NSUN6: variants seen among roughly 807,000 people sequenced by gnomAD.
The protein encoded by NSUN6 is NOP2/Sun RNA methyltransferase 6.
NSUN6 carries 64 observed loss-of-function variants against 58.0 expected under a neutral mutation model. That is an observed-to-expected ratio of 1.10 (90% CI 0.90 to 1.36). NSUN6 has a LOEUF of 1.36. Ranked by LOEUF, NSUN6 falls within the 40% of genes most tolerant of loss-of-function variation. The pLI, the probability that NSUN6 is intolerant of heterozygous loss-of-function variation, is 0.00. For missense variants in NSUN6, 701 were observed against 550.1 expected, an observed-to-expected ratio of 1.27 and a Z score of -2.74; for synonymous variants, 231 against 193.9, an observed-to-expected ratio of 1.19 and a Z score of -1.59.
chr10:18,584,050 A>G (rs986340703), intron 8 of NSUN6, among the ~76,000 whole-genome samples: 3 of 152,112 alleles, frequency 2.0e-5, no homozygotes, highest in Non-Finnish European at 4.4e-5. Flanking sequence ...CTGACAGTCA[A>G]TTTGCAGACC....
intron 8 of NSUN6, among the ~76,000 whole-genome samples, chr10:18,585,518 G>GAAGACATCATATTATGCT (rs1333376597): frequency 6.6e-6 from 1 of 152,164 alleles, no homozygotes; most frequent in Non-Finnish European, 1.5e-5. Context: ...GATGAACCTG[G>GAAGACATCATATTATGCT]AAGACATCAT....
upstream of NSUN6, chr10:18,653,071 A>C (rs1313348239): frequency 1.5e-5 from 15 of 983,956 alleles, no homozygotes. Flanking sequence ...AGACATTTCC[A>C]AAGGAATTTC....
intron 8 of NSUN6, among the ~76,000 whole-genome samples, chr10:18,559,006 T>G (rs572760074): frequency 8.9e-4 from 129 of 145,158 alleles, no homozygotes; most frequent in South Asian, 1.7e-3. Flanking sequence ...GAATGGAAAA[T>G]GGAATGAAAT....
chr10:18,616,667 A>G (rs981201284), intron 3 of NSUN6, among the ~76,000 whole-genome samples: 2 of 152,230 alleles, frequency 1.3e-5, no homozygotes, highest in East Asian at 1.9e-4. Context: ...AAAGTGGTAA[A>G]TTGTTGCATG....
At chr10:18,652,592 T>G (rs1340996615), upstream of NSUN6, 1 of 889,108 alleles carries the variant, frequency 1.1e-6, no homozygotes, top group East Asian at 1.2e-4. Context: ...TTTTTTTGAG[T>G]CTCTGTCGCC....
intron 6 of NSUN6, among the ~76,000 whole-genome samples, chr10:18,604,113 C>T (rs1244193059): frequency 1.3e-5 from 2 of 152,056 alleles, no homozygotes; most frequent in African/African-American, 2.4e-5. Context: ...ACCTGGGAGG[C>T]GGAGGCTGCA....
intron 2 of NSUN6, among the ~76,000 whole-genome samples, chr10:18,647,655 C>G (rs1180724804): frequency 6.8e-6 from 1 of 147,556 alleles, no homozygotes; most frequent in African/African-American, 2.5e-5. Context: ...TGCTGTTTTA[C>G]ATTGAAAATA....
chr10:18,572,888 C>A, intron 8 of NSUN6, among the ~76,000 whole-genome samples: 1 of 150,198 alleles, frequency 6.7e-6, no homozygotes, highest in East Asian at 2.0e-4. Context: ...CATTTCATTC[C>A]ATTCTCCATT....
rs115023784 is a variant in NSUN6 at position 18,578,070 on chromosome 10, G to A, written c.922+7879C>T. Among the ~76,000 whole-genome samples, 1,028 of 152,106 alleles carry A rather than the reference G, an allele frequency of 6.8e-3. 9 individuals are homozygous for A. Among genetic ancestry groups the A allele is most frequent in the African/African-American group, 0.024 (978 of 41,486 alleles). ...AAGTAAAAAAGAAAATTGTATATTC[G>A]AGTGCTATTTCTTTTGCAGCACCAA... On this transcript the variant is annotated intron_variant, in intron 8 of 10. Transcript: ENST00000377304.
At chr10:18,636,358 TAAAA>T (rs533141020) in intron 3 of NSUN6, among the ~76,000 whole-genome samples, 1 of 129,132 alleles carries the variant, frequency 7.7e-6, no homozygotes, top group Non-Finnish European at 1.7e-5. Context: ...TTGACAATGT[TAAAA>T]AAAAAAAAAA....
At chr10:18,557,335 G>A (rs1487088603) in intron 8 of NSUN6, among the ~76,000 whole-genome samples, 1 of 151,370 alleles carries the variant, frequency 6.6e-6, no homozygotes, top group East Asian at 1.9e-4. Flanking sequence ...ATGCAGTGGT[G>A]AACAGAATGG....
intron 8 of NSUN6, among the ~76,000 whole-genome samples, chr10:18,557,627 A>G (rs2055140455): frequency 6.7e-6 from 1 of 149,922 alleles, no homozygotes; most frequent in African/African-American, 2.4e-5. Context: ...AGAATGGAAT[A>G]GAGTGGAGAA....
intron 3 of NSUN6, among the ~76,000 whole-genome samples, chr10:18,638,377 G>A (rs1453319010): frequency 6.6e-6 from 1 of 152,112 alleles, no homozygotes; most frequent in Non-Finnish European, 1.5e-5. Context: ...AGGAGGCGGA[G>A]GTTGCAGTGA....
intron 9 of NSUN6, among the ~76,000 whole-genome samples, chr10:18,549,557 G>A (rs2054481583): frequency 6.6e-6 from 1 of 151,998 alleles, no homozygotes; most frequent in South Asian, 2.1e-4. Context: ...AGTTAGAATG[G>A]AAACCTCGTG....
intron 8 of NSUN6, among the ~76,000 whole-genome samples, chr10:18,580,235 C>A (rs1344612192): frequency 6.6e-6 from 1 of 152,192 alleles, no homozygotes; most frequent in Non-Finnish European, 1.5e-5. Context: ...AAATCAACCA[C>A]AGCTTAATAA....
At chr10:18,593,150 A>C (rs1244889052) in intron 7 of NSUN6, among the ~76,000 whole-genome samples, 3 of 152,240 alleles carry the variant, frequency 2.0e-5, no homozygotes, top group Non-Finnish European at 4.4e-5. Context: ...TCAAAACCAC[A>C]ATGAGATACC....
At chr10:18,547,984 G>A (rs1222184607) in intron 10 of NSUN6, 128 bp downstream of exon 10, 1 of 881,402 alleles carries the variant, frequency 1.1e-6, no homozygotes, top group Non-Finnish European at 1.7e-6. Flanking sequence ...AATTAGATAA[G>A]CATTCTTGTT....
intron 3 of NSUN6, among the ~76,000 whole-genome samples, chr10:18,635,015 T>C (rs1342371469): frequency 2.0e-5 from 3 of 152,080 alleles, no homozygotes; most frequent in Non-Finnish European, 4.4e-5. Flanking sequence ...ATTCCTAAAC[T>C]CTGTACAAGG....
At chr10:18,610,245 G>A (rs1005693140) in intron 5 of NSUN6, among the ~76,000 whole-genome samples, 3 of 152,080 alleles carry the variant, frequency 2.0e-5, no homozygotes, top group Non-Finnish European at 2.9e-5. Flanking sequence ...CTCCTCAGGA[G>A]GCTGAGACAG....
Sources: allele counts gnomAD v4.1 joint callset (sites outside exome capture counted in the v4.1 genomes callset), GRCh38; gene constraint gnomAD v4.1.1; transcripts MANE v1.5; gene names NCBI Gene and HGNC (gene_info 2026-07-23, HGNC 2026-07-21).